OPRM1: variants seen among roughly 807,000 people sequenced by gnomAD.
OPRM1 encodes the protein mu-type opioid receptor.
Under a neutral mutation model 31.8 loss-of-function variants are expected in OPRM1, and 27 were observed. The ratio of observed to expected loss-of-function variants is 0.85; its 90% CI spans 0.63 to 1.17. The LOEUF is 1.17. Ranked by LOEUF, OPRM1 falls within the 50% of genes most tolerant of loss-of-function variation. OPRM1 has a pLI of 0.00. For synonymous variants in OPRM1, 196 were observed against 189.9 expected, an observed-to-expected ratio of 1.03 and a Z score of -0.26; for missense variants, 536 against 511.1, an observed-to-expected ratio of 1.05 and a Z score of -0.47.
intron 1 of OPRM1, among the ~76,000 whole-genome samples, chr6:154,029,994 A>C (rs1283724452): frequency 6.6e-6 from 1 of 151,794 alleles, no homozygotes; most frequent in Non-Finnish European, 1.5e-5. Flanking sequence ...GCAGCGTGAG[A>C]ATGGTCTAAT....
chr6:154,167,848 A>G (rs1235313722), intron 3 of OPRM1: 1 of 1,148,526 alleles, frequency 8.7e-7, no homozygotes, highest in Non-Finnish European at 1.2e-6. Flanking sequence ...GATTAGCAAG[A>G]ATCTCTCTGC....
intron 3 of OPRM1, among the ~76,000 whole-genome samples, chr6:154,099,131 C>CA (rs955626951): frequency 6.6e-6 from 1 of 151,774 alleles, no homozygotes; most frequent in Non-Finnish European, 1.5e-5. Flanking sequence ...AACAAACAAA[C>CA]AAAAAAAGCC....
At chr6:154,034,598 T>C (rs1187651385), upstream of OPRM1, among the ~76,000 whole-genome samples, 3 of 152,066 alleles carry the variant, frequency 2.0e-5, no homozygotes, top group Non-Finnish European at 4.4e-5. Context: ...AATGTTTTTA[T>C]AGAGCTCTCA....
At chr6:154,045,999 C>T (rs1162224633) in intron 1 of OPRM1, among the ~76,000 whole-genome samples, 1 of 152,190 alleles carries the variant, frequency 6.6e-6, no homozygotes, top group East Asian at 1.9e-4. Context: ...CCACTCCTTG[C>T]CAAGCAACCA....
At chr6:154,107,864 C>A in intron 3 of OPRM1, 1 of 694,340 alleles carries the variant, frequency 1.4e-6, no homozygotes. Flanking sequence ...GAAAAACGAC[C>A]TCATAACACA....
At position 154,130,560 on chromosome 6, in the gene OPRM1, G is replaced by A. The variant is rs1797838326; in HGVS notation, c.*11839G>A. Among the ~76,000 whole-genome samples, 1 of 151,902 alleles carries A rather than the reference G, an allele frequency of 6.6e-6. No individual in the cohort carries two copies. Among genetic ancestry groups the A allele is most frequent in the Non-Finnish European group, 1.5e-5 (1 of 68,002 alleles). On this transcript the variant is annotated 3_prime_UTR_variant, in exon 4 of 4. Transcript: ENST00000330432. ...TCCTACCATAAAAATTTCTGTGTTA[G>A]GCATAGCTATATGAATATTTGCCTA...
At chr6:154,187,871 T>C (rs1801524531) in intron 3 of OPRM1, among the ~76,000 whole-genome samples, 1 of 152,220 alleles carries the variant, frequency 6.6e-6, no homozygotes, top group East Asian at 1.9e-4. Context: ...AAAAAGTACC[T>C]ACTTCTAACT....
chr6:154,087,717 G>A (rs1790954961), intron 1 of OPRM1: 2 of 388,440 alleles, frequency 5.1e-6, no homozygotes, highest in South Asian at 1.0e-4. Context: ...CCCTGGACTG[G>A]TAATACAGCC....
chr6:154,212,148 C>T (rs1371544585), intron 3 of OPRM1, among the ~76,000 whole-genome samples: 1 of 152,130 alleles, frequency 6.6e-6, no homozygotes. Context: ...ATGACCCTTC[C>T]TCGGGGCCAT....
At chr6:154,136,543 C>T (rs973096380), downstream of OPRM1, among the ~76,000 whole-genome samples, 1 of 152,104 alleles carries the variant, frequency 6.6e-6, no homozygotes, top group African/African-American at 2.4e-5. Context: ...ACCTGAGGGG[C>T]CCTCTCTAGA....
At chr6:154,179,618 G>A (rs1219994835) in intron 3 of OPRM1, among the ~76,000 whole-genome samples, 2 of 152,146 alleles carry the variant, frequency 1.3e-5, no homozygotes, top group East Asian at 3.8e-4. Context: ...AAAACAGCAG[G>A]ACTTTGATTC....
intron 3 of OPRM1, chr6:154,094,238 G>C (rs922195487): frequency 7.8e-7 from 1 of 1,287,194 alleles, no homozygotes; most frequent in Non-Finnish European, 1.0e-6. Flanking sequence ...AACCTTCCCA[G>C]GGTGTCTGTA....
At chr6:154,072,637 T>C (rs1440093489) in intron 1 of OPRM1, among the ~76,000 whole-genome samples, 3 of 152,244 alleles carry the variant, frequency 2.0e-5, no homozygotes, top group Admixed American at 6.5e-5. Flanking sequence ...AGTCATACAT[T>C]AGTTTATGAA....
intron 1 of OPRM1, among the ~76,000 whole-genome samples, chr6:154,085,916 C>G (rs1297142436): frequency 6.3e-5 from 5 of 79,066 alleles, no homozygotes; most frequent in Non-Finnish European, 7.3e-5. Flanking sequence ...GAGACAGTGT[C>G]TCTCTCTGTT....
At chr6:154,075,705 G>C (rs577036688) in intron 1 of OPRM1, among the ~76,000 whole-genome samples, 6 of 152,264 alleles carry the variant, frequency 3.9e-5, no homozygotes, top group Non-Finnish European at 7.4e-5. Context: ...ACCCACTTCA[G>C]CCTAAAATAA....
At chr6:154,194,259 C>A (rs530728917) in intron 3 of OPRM1, among the ~76,000 whole-genome samples, 2 of 152,100 alleles carry the variant, frequency 1.3e-5, no homozygotes, top group African/African-American at 4.8e-5. Context: ...ATTAGCCAGG[C>A]GTGGTGGCGC....
At chr6:154,228,152 A>G (rs184002971) in intron 3 of OPRM1, among the ~76,000 whole-genome samples, 27 of 152,074 alleles carry the variant, frequency 1.8e-4, no homozygotes, top group African/African-American at 6.5e-4. Flanking sequence ...TTCTTCTTCA[A>G]TTCCTAACTT....
At chr6:154,144,358 C>T (rs1314869106) in intron 3 of OPRM1, among the ~76,000 whole-genome samples, 3 of 151,994 alleles carry the variant, frequency 2.0e-5, no homozygotes, top group African/African-American at 7.3e-5. Context: ...AAGATAGCAC[C>T]AAAAAAATTT....
exon 1 of OPRM1, chr6:154,010,915 A>G: frequency 7.6e-7 from 1 of 1,312,426 alleles, no homozygotes; most frequent in South Asian, 1.2e-5. Context: ...CTTACATCCC[A>G]TCAAAATGTT....
Sources: allele counts gnomAD v4.1 joint callset (sites outside exome capture counted in the v4.1 genomes callset), GRCh38; gene constraint gnomAD v4.1.1; transcripts MANE v1.5; gene names NCBI Gene and HGNC (gene_info 2026-07-23, HGNC 2026-07-21).